RELN: variants seen among roughly 807,000 people sequenced by gnomAD.
RELN encodes reelin.
RELN carries 108 observed loss-of-function variants against 427.6 expected under a neutral mutation model. The observed-to-expected ratio is 0.25, with a 90% confidence interval of 0.22 to 0.30. RELN has a LOEUF of 0.30. RELN is among the 10% of genes least tolerant of loss of function. RELN has a pLI of 1.00. For missense variants in RELN, 3,715 were observed against 4,302.8 expected (o/e 0.86, Z 3.82); for synonymous variants, 1,524 against 1,513.4 (o/e 1.01, Z -0.16).
intron 33 of RELN, among the ~76,000 whole-genome samples, 169 bp downstream of exon 33, chr7:103,566,055 G>A (rs1177065793): frequency 6.6e-6 from 1 of 152,036 alleles, no homozygotes; most frequent in African/African-American, 2.4e-5. Context: ...ACCGTCACTA[G>A]GATCACCAAG....
chr7:103,519,724 G>C (rs143511087), intron 48 of RELN, among the ~76,000 whole-genome samples: 1 of 151,784 alleles, frequency 6.6e-6, no homozygotes, highest in Non-Finnish European at 1.5e-5. Flanking sequence ...CTGGGACTAC[G>C]GGTACATGCC....
chr7:103,582,771 T>C (rs574422218), intron 28 of RELN, among the ~76,000 whole-genome samples: 4 of 152,368 alleles, frequency 2.6e-5, no homozygotes, highest in African/African-American at 7.2e-5. Context: ...AAGAACTTTA[T>C]GAATAAGACA....
At position 103,569,238 on chromosome 7, in the gene RELN, A is replaced by G. The variant is rs553352003; in HGVS notation, c.4589-2479T>C. Among the ~76,000 whole-genome samples the G allele has an allele frequency of 3.3e-5, 5 of 152,326 alleles. No homozygotes were observed. The highest frequency in any genetic ancestry group is 5.9e-5 in the Non-Finnish European group (4 of 68,030). On this transcript the variant is annotated intron_variant, in intron 31 of 64. Coordinates refer to ENST00000428762, the MANE Select transcript of RELN (RefSeq NM_005045.4). The surrounding 1 kb of genome is among the most constrained non-coding windows in gnomAD (Gnocchi z 4.0). ...GAAACTGAAACCTCTTGCCAACAGCAGAGAAGAACTAAAGGCTTTTGCCAA... is the reference window on the plus strand; with the variant it reads ...GAAACTGAAACCTCTTGCCAACAGCGGAGAAGAACTAAAGGCTTTTGCCAA...
At chr7:103,519,238 G>C in intron 49 of RELN, 85 bp downstream of exon 49, 1 of 1,030,046 alleles carries the variant, frequency 9.7e-7, no homozygotes, top group Admixed American at 1.7e-5. Flanking sequence ...ATAAGTCTGA[G>C]GTCCCCCTCA....
intron 24 of RELN, among the ~76,000 whole-genome samples, chr7:103,599,793 T>A (rs1332289289): frequency 2.0e-5 from 3 of 152,178 alleles, no homozygotes; most frequent in African/African-American, 7.2e-5. Flanking sequence ...AAAGGGCTCA[T>A]GCCTAGAAAA....
intron 11 of RELN, among the ~76,000 whole-genome samples, chr7:103,665,382 A>AT (rs1393712731): frequency 6.7e-6 from 1 of 149,874 alleles, no homozygotes; most frequent in African/African-American, 2.5e-5. Flanking sequence ...ATATATATAT[A>AT]AAATCTGTAT....
At chr7:103,505,902 T>G (rs1829193465) in intron 51 of RELN, among the ~76,000 whole-genome samples, 1 of 152,142 alleles carries the variant, frequency 6.6e-6, no homozygotes, top group Non-Finnish European at 1.5e-5. Context: ...ATAAATGACC[T>G]GATGGAGCTG....
At chr7:103,518,015 G>A (rs1222445442) in intron 49 of RELN, among the ~76,000 whole-genome samples, 1 of 152,180 alleles carries the variant, frequency 6.6e-6, no homozygotes, top group African/African-American at 2.4e-5. Flanking sequence ...TGTAAAGTTG[G>A]GGAGCTAGTG....
At chr7:103,773,197 TTCTCTCTCTC>T (rs60728490) in intron 4 of RELN, among the ~76,000 whole-genome samples, 11 of 100,206 alleles carry the variant, frequency 1.1e-4, no homozygotes, top group Non-Finnish European at 2.0e-4. Flanking sequence ...TTTTCTTTCT[TTCTCTCTCTC>T]TCTCTCTCTC....
chr7:103,817,461 G>A (rs1276743480), intron 3 of RELN, among the ~76,000 whole-genome samples: 1 of 152,110 alleles, frequency 6.6e-6, no homozygotes, highest in African/African-American at 2.4e-5. Context: ...AGATGGAGGT[G>A]AAAAAGACTT....
intron 1 of RELN, among the ~76,000 whole-genome samples, chr7:103,918,008 T>G (rs1439321216): frequency 2.0e-5 from 3 of 152,062 alleles, no homozygotes; most frequent in African/African-American, 7.2e-5. Context: ...GGTAATAATA[T>G]TATTTAGGTA....
At chr7:103,491,856 TCACACACACACACACACACACACA>T (rs71110838) in intron 58 of RELN, 73 bp downstream of exon 58, 33 of 288,602 alleles carry the variant, frequency 1.1e-4, no homozygotes, top group African/African-American at 1.8e-4. Flanking sequence ...TCTCTCTCTC[TCACACACACACACACACACACACA>T]CACACACACA....
chr7:103,747,166 A>C (rs1374789253), intron 6 of RELN, among the ~76,000 whole-genome samples: 1 of 151,868 alleles, frequency 6.6e-6, no homozygotes, highest in Non-Finnish European at 1.5e-5. Flanking sequence ...CGCAAGGACA[A>C]AAAACCAAAC....
At chr7:103,888,558 C>A (rs1015286477) in intron 2 of RELN, among the ~76,000 whole-genome samples, 1 of 152,150 alleles carries the variant, frequency 6.6e-6, no homozygotes, top group East Asian at 1.9e-4. Context: ...TTCTAAGGAC[C>A]ATTTATTTAG....
In RELN at chr7:103,626,221, G is replaced by C. The variant is rs1345920136; in HGVS notation, c.2702+3719C>G. 6.6e-6 allele frequency among the ~76,000 whole-genome samples: 1 copy of C among 152,070 alleles called. No individual in the cohort carries two copies. The highest frequency in any genetic ancestry group is 1.5e-5 in the Non-Finnish European group (1 of 67,986). ...AAATTATCTGGCTTTAATTTTACAA[G>C]CTTCTAAGTGGCAGTGTGAGAATTT... is the stretch of plus-strand genomic sequence containing the variant. On this transcript the variant is annotated intron_variant, in intron 20 of 64. Transcript: ENST00000428762. The surrounding 1 kb of genome is among the most constrained non-coding windows in gnomAD (Gnocchi z 4.4).
chr7:103,724,971 T>C (rs1418584794), intron 7 of RELN, among the ~76,000 whole-genome samples: 1 of 152,046 alleles, frequency 6.6e-6, no homozygotes, highest in Non-Finnish European at 1.5e-5. Context: ...TAAGCCTTTA[T>C]ATTTGACATT....
chr7:103,728,000 A>C, intron 7 of RELN, 111 bp downstream of exon 7: 15 of 980,958 alleles, frequency 1.5e-5, no homozygotes, highest in Non-Finnish European at 2.2e-5. Context: ...AGGACTCATA[A>C]ATCATATTTG....
intron 41 of RELN, among the ~76,000 whole-genome samples, chr7:103,546,810 T>C (rs913821131): frequency 6.6e-6 from 1 of 152,218 alleles, no homozygotes; most frequent in Non-Finnish European, 1.5e-5. Flanking sequence ...ACTAAGGTTT[T>C]TTGGATTTTA....
At chr7:103,538,522 C>CA (rs1830107187) in intron 45 of RELN, among the ~76,000 whole-genome samples, 1 of 152,032 alleles carries the variant, frequency 6.6e-6, no homozygotes, top group East Asian at 1.9e-4. Flanking sequence ...ATGAGGGTGG[C>CA]CTGGAATGTG....
Sources: allele counts gnomAD v4.1 joint callset (sites outside exome capture counted in the v4.1 genomes callset), GRCh38; gene constraint gnomAD v4.1.1; non-coding constraint Gnocchi (gnomAD v3.1); transcripts MANE v1.5; gene names NCBI Gene and HGNC (gene_info 2026-07-23, HGNC 2026-07-21).